Variants in UGP2 observed in about 807,000 individuals in gnomAD.
UGP2 encodes UTP--glucose-1-phosphate uridylyltransferase.
UGP2 carries 40 observed loss-of-function variants against 49.0 expected under a neutral mutation model. That is an observed-to-expected ratio of 0.82 (90% CI 0.63 to 1.06). The LOEUF (loss-of-function observed/expected upper bound fraction) is 1.06, where lower values mean the gene tolerates loss of function less well. Among genes scored for constraint, UGP2 ranks in the 50% least tolerant of loss-of-function variants. The pLI is 0.00. For synonymous variants in UGP2, 225 were observed against 213.0 expected, an observed-to-expected ratio of 1.06 and a Z score of -0.49; for missense variants, 460 against 603.5, an observed-to-expected ratio of 0.76 and a Z score of 2.49.
At chr2:63,871,629 A>C (rs1670561606) in intron 3 of UGP2, among the ~76,000 whole-genome samples, 1 of 152,242 alleles carries the variant, frequency 6.6e-6, no homozygotes, top group Admixed American at 6.5e-5. Flanking sequence ...TGTTGTTTTG[A>C]AAATTGCCTG....
chr2:63,883,927 T>C (rs1671487159), intron 4 of UGP2, 33 bp from the exon 5 acceptor site: 1 of 1,577,864 alleles, frequency 6.3e-7, no homozygotes, highest in Non-Finnish European at 8.6e-7. Flanking sequence ...GAAAAGTGAG[T>C]CTGGGTAATC....
chr2:63,852,675 T>A (rs1669121281), intron 1 of UGP2, among the ~76,000 whole-genome samples: 1 of 152,190 alleles, frequency 6.6e-6, no homozygotes, highest in Non-Finnish European at 1.5e-5. Flanking sequence ...AAAGCTGTTG[T>A]CATGACTAGG....
At chr2:63,842,838 C>T (rs1352995768) in intron 1 of UGP2, among the ~76,000 whole-genome samples, 1 of 152,120 alleles carries the variant, frequency 6.6e-6, no homozygotes, top group East Asian at 1.9e-4. Flanking sequence ...TCTCTAAATT[C>T]CACATGTGTA....
intron 7 of UGP2, among the ~76,000 whole-genome samples, chr2:63,886,860 T>C (rs758201713): frequency 1.3e-5 from 2 of 152,224 alleles, no homozygotes. Context: ...ATGAGTTTTC[T>C]GAACCTATGG....
chr2:63,888,839 C>T (rs1671872131), intron 8 of UGP2: 1 of 152,234 alleles, frequency 6.6e-6, no homozygotes, highest in Non-Finnish European at 1.5e-5. Context: ...ACAGCACTAT[C>T]TGTGGACCTG....
At chr2:63,858,259 T>A (rs1260949778) in intron 3 of UGP2, among the ~76,000 whole-genome samples, 1 of 152,184 alleles carries the variant, frequency 6.6e-6, no homozygotes, top group Non-Finnish European at 1.5e-5. Flanking sequence ...TCCTTCTCTC[T>A]CCCAAAACAT....
intron 1 of UGP2, chr2:63,855,742 G>A (rs1040811161): frequency 5.5e-5 from 22 of 399,404 alleles, no homozygotes; most frequent in East Asian, 1.7e-4. Flanking sequence ...AGGTTTTGCC[G>A]TGTTGCCCAG....
At chr2:63,878,653 C>T (rs1671086461) in intron 3 of UGP2, among the ~76,000 whole-genome samples, 1 of 152,180 alleles carries the variant, frequency 6.6e-6, no homozygotes, top group Non-Finnish European at 1.5e-5. Flanking sequence ...TGTAGCCTCT[C>T]AGGCTCAAGC....
chr2:63,883,819 GT>G, intron 4 of UGP2, 140 bp from the exon 5 acceptor site: 2 of 1,065,914 alleles, frequency 1.9e-6, no homozygotes, highest in South Asian at 1.7e-5. Flanking sequence ...GTGCTGAGCA[GT>G]TTTTTGTCAA....
chr2:63,862,774 AC>A, intron 3 of UGP2: 1 of 454,476 alleles, frequency 2.2e-6, no homozygotes, highest in Non-Finnish European at 4.4e-6. Context: ...TCCAATTTCC[AC>A]CCCACAGAGA....
At chr2:63,866,656 C>T (rs966367684) in intron 3 of UGP2, among the ~76,000 whole-genome samples, 3 of 152,220 alleles carry the variant, frequency 2.0e-5, no homozygotes, top group African/African-American at 7.2e-5. Context: ...GAGAACAGAA[C>T]GTGCTCTAAG....
At chr2:63,861,449 T>C (rs564242440) in intron 3 of UGP2, among the ~76,000 whole-genome samples, 2 of 152,102 alleles carry the variant, frequency 1.3e-5, no homozygotes, top group East Asian at 3.9e-4. Flanking sequence ...GGTGATGTAT[T>C]TTCATTTCTA....
In UGP2 at chr2:63,841,918, T is replaced by G; in HGVS notation, c.-268T>G. The G allele has an allele frequency of 4.9e-6, 2 of 409,154 alleles. No homozygotes were observed. Among genetic ancestry groups the G allele is most frequent in the Non-Finnish European group, 8.7e-6 (2 of 229,816 alleles). The allele number at this position is 409,154 out of a possible 1,614,324, so 25.3% of individuals were successfully genotyped here. A position where few individuals can be genotyped will look rare whatever the true frequency, so the allele number is the denominator to read the frequency against. On this transcript the variant is annotated 5_prime_UTR_variant, in exon 1 of 10. Coordinates refer to ENST00000337130, the MANE Select transcript of UGP2 (RefSeq NM_006759.4). ...TCCGGGAGTCTCCAGCTGGCCCTCA[T>G]TTGTGTCCGGAGCTCAGGAGTTCCC...
intron 3 of UGP2, among the ~76,000 whole-genome samples, chr2:63,870,368 C>T (rs1670470266): frequency 6.6e-6 from 1 of 152,130 alleles, no homozygotes; most frequent in African/African-American, 2.4e-5. Context: ...CTTTTCCGGG[C>T]TTGTGATATG....
At chr2:63,874,946 G>A (rs1036845214) in intron 3 of UGP2, among the ~76,000 whole-genome samples, 4 of 152,136 alleles carry the variant, frequency 2.6e-5, no homozygotes, top group Non-Finnish European at 5.9e-5. Context: ...GCAGAACTGT[G>A]CACCAAATAA....
Position 63,887,662 on chromosome 2 carries a change from T to C in UGP2, c.1314+18T>C, listed in dbSNP as rs750108187. On this transcript the variant is annotated intron_variant, in intron 8 of 9. Transcript: ENST00000337130. Reference sequence around the variant, plus strand: ...TTACGAAGGTACGTAACTATAAAGATATGTGAGTTCATATTTCTTAAATGT... The same window carrying C: ...TTACGAAGGTACGTAACTATAAAGACATGTGAGTTCATATTTCTTAAATGT... 28 of 1,610,292 alleles carry C rather than the reference T, an allele frequency of 1.7e-5. No individual in the cohort carries two copies. The African/African-American group carries it at 3.5e-4, about 20-fold the overall frequency.
chr2:63,852,198 A>G (rs1403338879), intron 1 of UGP2, among the ~76,000 whole-genome samples: 1 of 152,210 alleles, frequency 6.6e-6, no homozygotes, highest in Non-Finnish European at 1.5e-5. Context: ...GATGAAGAAT[A>G]TGGCTGTTAC....
chr2:63,857,896 C>T lies in UGP2; in HGVS notation c.215C>T (p.Ser72Phe), dbSNP rs138512196. The T allele has an allele frequency of 3.7e-5, 60 of 1,613,956 alleles. No individual in the cohort carries two copies. The highest frequency in any genetic ancestry group is 1.0e-4 in the Admixed American group (6 of 60,000). Residue 72 changes from serine (S) to phenylalanine (F), a missense_variant, in exon 3 of 10, where the codon TCT becomes TTT. Ser to Phe is a radical substitution (Grantham distance 155). This residue lies in a region of UGP2 where 143 missense variants were observed against 130.4 expected (regional missense o/e 1.10). Transcript: ENST00000337130. ...AGATTTTTGCAAGAAAAGGGGCCTT[C>T]TGTGGATTGGGGAAAAATCCAGAGA... Reference protein sequence around the residue: ...FHRFLQEKGPSVDWGKIQRPP... With the variant: ...FHRFLQEKGPFVDWGKIQRPP...
At chr2:63,857,801 G>A (rs1359259370) in intron 2 of UGP2, 28 bp from the exon 3 acceptor site, 1 of 1,583,850 alleles carries the variant, frequency 6.3e-7, no homozygotes, top group South Asian at 1.1e-5. Context: ...CATTCTGCTG[G>A]TTGTAACAAT....
Sources: gnomAD v4.1 joint callset for allele counts (sites outside exome capture counted in the v4.1 genomes callset) on GRCh38, gnomAD v4.1.1 for gene constraint, gnomAD v4.1.1 regional missense constraint, MANE v1.5 for transcripts, NCBI Gene and HGNC (gene_info 2026-07-23, HGNC 2026-07-21) for gene names.